The following GLIS3 variants were observed in gnomAD, a reference collection of about 807,000 sequenced individuals.
GLIS3 encodes zinc finger protein GLIS3.
Under a neutral mutation model 78.6 loss-of-function variants are expected in GLIS3, and 53 were observed. That is an observed-to-expected ratio of 0.67 (90% CI 0.54 to 0.85). GLIS3 has a LOEUF of 0.85. GLIS3 is among the 40% of genes least tolerant of loss of function. The pLI, the probability that GLIS3 is intolerant of heterozygous loss-of-function variation, is 0.00. For missense variants in GLIS3, 1,703 were observed against 1,231.1 expected (o/e 1.38, Z -5.74); for synonymous variants, 684 against 509.9 (o/e 1.34, Z -4.60).
the GLIS3 span, among the ~76,000 whole-genome samples, chr9:4,447,294 G>A: frequency 1.3e-5 from 2 of 151,944 alleles, no homozygotes; most frequent in African/African-American, 4.8e-5. Flanking sequence ...CAATCCTCCT[G>A]CCTTGGCCTC....
At chr9:4,242,437 C>T (rs1394749688) in intron 2 of GLIS3, among the ~76,000 whole-genome samples, 2 of 152,098 alleles carry the variant, frequency 1.3e-5, no homozygotes, top group Non-Finnish European at 2.9e-5. Context: ...CCAGCTGCTC[C>T]CTCTGAGGTG....
At chr9:4,125,637 T>A (rs75834234) in intron 3 of GLIS3, 97 bp downstream of exon 3, 1 of 431,486 alleles carries the variant, frequency 2.3e-6, no homozygotes, top group South Asian at 2.5e-5. Context: ...TGTATGAGTG[T>A]GTGTGTGTGT....
At chr9:4,151,655 G>T (rs77764916) in intron 2 of GLIS3, among the ~76,000 whole-genome samples, 1 of 152,150 alleles carries the variant, frequency 6.6e-6, no homozygotes, top group Non-Finnish European at 1.5e-5. Context: ...GATTTCTTTG[G>T]ATTGTGGCCT....
intron 6 of GLIS3, among the ~76,000 whole-genome samples, chr9:3,903,816 A>T (rs1040351929): frequency 3.3e-5 from 5 of 152,150 alleles, no homozygotes; most frequent in African/African-American, 1.2e-4. Flanking sequence ...GGGAATTTTG[A>T]CCTTTTTGAG....
chr9:4,259,782 G>A (rs1432218635), intron 2 of GLIS3, among the ~76,000 whole-genome samples: 1 of 152,188 alleles, frequency 6.6e-6, no homozygotes, highest in Non-Finnish European at 1.5e-5. Context: ...CTAAGAAAAT[G>A]TATCCCAATT....
chr9:4,470,980 A>T, the GLIS3 span, among the ~76,000 whole-genome samples: 1 of 151,450 alleles, frequency 6.6e-6, no homozygotes, highest in African/African-American at 2.4e-5. Flanking sequence ...CAGAGAGCCA[A>T]ATCATGAGTG....
At chr9:4,360,877 G>T in the GLIS3 span, among the ~76,000 whole-genome samples, 1 of 152,176 alleles carries the variant, frequency 6.6e-6, no homozygotes, top group African/African-American at 2.4e-5. Flanking sequence ...GGAGGAGCTG[G>T]CTGCTCAGGG....
At chr9:3,990,544 A>G (rs1223699952) in intron 4 of GLIS3, among the ~76,000 whole-genome samples, 1 of 152,196 alleles carries the variant, frequency 6.6e-6, no homozygotes, top group African/African-American at 2.4e-5. Flanking sequence ...AGAAGTTCCC[A>G]TTAAGTAGGA....
intron 2 of GLIS3, among the ~76,000 whole-genome samples, chr9:4,216,510 A>G (rs935821380): frequency 4.0e-5 from 6 of 150,828 alleles, no homozygotes; most frequent in Middle Eastern, 3.4e-3. Context: ...AAAGAAAAGA[A>G]AAAGAAAAAA....
At chr9:3,886,369 C>T (rs1396803735) in intron 7 of GLIS3, among the ~76,000 whole-genome samples, 1 of 152,104 alleles carries the variant, frequency 6.6e-6, no homozygotes, top group African/African-American at 2.4e-5. Context: ...TAGAGTAATA[C>T]ACACCTTTTG....
intron 7 of GLIS3, among the ~76,000 whole-genome samples, chr9:3,894,972 C>T (rs1670799192): frequency 1.3e-5 from 2 of 152,120 alleles, no homozygotes; most frequent in African/African-American, 4.8e-5. Context: ...TTGCTAAGGT[C>T]ATGTTTTACT....
chr9:4,074,490 T>C (rs926964521), intron 4 of GLIS3, among the ~76,000 whole-genome samples: 1 of 152,198 alleles, frequency 6.6e-6, no homozygotes. Context: ...CGGTTCTCCA[T>C]CTCTTCTGTG....
At chr9:3,901,729 T>G (rs181638822) in intron 6 of GLIS3, among the ~76,000 whole-genome samples, 58 of 152,306 alleles carry the variant, frequency 3.8e-4, no homozygotes, top group Middle Eastern at 3.4e-3. Context: ...AGACATCACT[T>G]TGTTGTAATT....
the GLIS3 span, among the ~76,000 whole-genome samples, chr9:4,368,376 G>A: frequency 2.0e-4 from 29 of 145,362 alleles, no homozygotes; most frequent in African/African-American, 7.0e-4. Flanking sequence ...TCTGAGTCTC[G>A]CTCTGTCACC....
chr9:3,987,935 A>G (rs2129717963), intron 4 of GLIS3, among the ~76,000 whole-genome samples: 1 of 152,192 alleles, frequency 6.6e-6, no homozygotes, highest in South Asian at 2.1e-4. Context: ...GAAAAACGAT[A>G]CATGAACATC....
intron 2 of GLIS3, among the ~76,000 whole-genome samples, chr9:4,204,648 T>G (rs1249075607): frequency 6.6e-6 from 1 of 152,248 alleles, no homozygotes; most frequent in East Asian, 1.9e-4. Flanking sequence ...CCGGGCACAG[T>G]GGCTCACACC....
chr9:4,253,105 A>T (rs1824553446), intron 2 of GLIS3, among the ~76,000 whole-genome samples: 1 of 152,248 alleles, frequency 6.6e-6, no homozygotes, highest in Admixed American at 6.5e-5. Flanking sequence ...GACCCACTGG[A>T]GGAGGCAGTC....
intron 8 of GLIS3, 85 bp from the exon 9 acceptor site, chr9:3,856,269 C>T: frequency 8.4e-7 from 1 of 1,197,302 alleles, no homozygotes. Flanking sequence ...ATTCTCACCT[C>T]CCATTCTGGC....
intron 2 of GLIS3, among the ~76,000 whole-genome samples, chr9:4,282,466 G>C (rs1484551346): frequency 6.6e-6 from 1 of 152,180 alleles, no homozygotes; most frequent in Non-Finnish European, 1.5e-5. Context: ...CCCGACAAGA[G>C]AAAATTCTTC....
Sources: gnomAD v4.1 joint callset for allele counts (sites outside exome capture counted in the v4.1 genomes callset) on GRCh38, gnomAD v4.1.1 for gene constraint, MANE v1.5 for transcripts, NCBI Gene and HGNC (gene_info 2026-07-23, HGNC 2026-07-21) for gene names.